The following RAVER2 variants were observed in gnomAD, a reference collection of about 807,000 sequenced individuals.
The protein encoded by RAVER2 is ribonucleoprotein, PTB binding 2.
Under a neutral mutation model 78.1 loss-of-function variants are expected in RAVER2, and 46 were observed. The observed-to-expected ratio is 0.59, with a 90% confidence interval of 0.46 to 0.75. The LOEUF (loss-of-function observed/expected upper bound fraction) is 0.75. RAVER2 is among the 30% of genes least tolerant of loss of function. The probability of loss-of-function intolerance (pLI) is 0.00; values close to 1 mark genes in which losing one functional copy is unlikely to be tolerated. For missense variants in RAVER2, 793 were observed against 837.5 expected (o/e 0.95, Z 0.66); for synonymous variants, 311 against 313.3 (o/e 0.99, Z 0.08).
chr1:64,777,146 A>G (rs1309457485), intron 2 of RAVER2, among the ~76,000 whole-genome samples: 5 of 152,050 alleles, frequency 3.3e-5, no homozygotes, highest in Admixed American at 6.6e-5. Context: ...CTGTACCTTC[A>G]TTTTTTCAGG....
chr1:64,829,526 G>A (rs12092056), intron 11 of RAVER2, among the ~76,000 whole-genome samples: 20 of 152,308 alleles, frequency 1.3e-4, no homozygotes, highest in African/African-American at 4.6e-4. Flanking sequence ...GGGAGGAAGG[G>A]TTTTTGGGGC....
At chr1:64,802,519 T>C (rs1358556595) in intron 5 of RAVER2, among the ~76,000 whole-genome samples, 1 of 152,226 alleles carries the variant, frequency 6.6e-6, no homozygotes, top group Non-Finnish European at 1.5e-5. Flanking sequence ...TTTGATTTTA[T>C]TATGTAAATA....
intron 11 of RAVER2, among the ~76,000 whole-genome samples, chr1:64,819,404 G>A (rs768335848): frequency 3.3e-5 from 5 of 151,850 alleles, no homozygotes; most frequent in Non-Finnish European, 7.4e-5. Flanking sequence ...AAAAAGGTTC[G>A]GTTAACATGA....
chr1:64,795,916 T>C (rs1367775088), intron 5 of RAVER2, among the ~76,000 whole-genome samples: 3 of 152,014 alleles, frequency 2.0e-5, no homozygotes, highest in East Asian at 3.8e-4. Context: ...TTAAGTATTA[T>C]CTTAGCTAGA....
chr1:64,815,398 A>T (rs1004002926), intron 11 of RAVER2: 5 of 152,222 alleles, frequency 3.3e-5, no homozygotes, highest in Non-Finnish European at 7.3e-5. Context: ...AAACCAGCCA[A>T]TCAATAACAT....
Position 64,745,311 on chromosome 1 carries a change from G to T in RAVER2, c.139G>T (p.Ala47Ser), listed in dbSNP as rs1651494530. ...CGAGGGCGCCCCGGACCCGATGCCC[G>T]CCGCGCTGCACCCTGAGGAGGTCGC... The change falls in exon 1 of 12, where the codon GCC (alanine) becomes TCC (serine). Residue 47 changes from alanine (A) to serine (S), a missense_variant. Ala to Ser is a moderately conservative substitution (Grantham distance 99). Coordinates refer to ENST00000294428, the Ensembl canonical transcript of RAVER2. The surrounding 1 kb of genome is among the most constrained non-coding windows in gnomAD (Gnocchi z 4.3). The T allele has an allele frequency of 2.6e-6, 4 of 1,512,370 alleles. No individual in the cohort carries two copies. In the East Asian group the frequency reaches 1.1e-4, roughly 42 times the overall value. The allele number at this position is 1,512,370 out of a possible 1,614,324, so 93.7% of individuals were successfully genotyped here. A position where few individuals can be genotyped will look rare whatever the true frequency, so the allele number is the denominator to read the frequency against.
exon 11 of RAVER2, chr1:64,814,812 A>G: frequency 1.3e-6 from 2 of 1,583,002 alleles, no homozygotes; most frequent in Admixed American, 1.8e-5. Flanking sequence ...TGCATTGCTT[A>G]TTCTCCACCT....
chr1:64,747,178 T>C (rs1434010207), intron 1 of RAVER2, among the ~76,000 whole-genome samples: 1 of 152,240 alleles, frequency 6.6e-6, no homozygotes, highest in African/African-American at 2.4e-5. Flanking sequence ...ATTTGTATTT[T>C]TGAGATTTCA....
chr1:64,831,813 A>AGT (rs1654143385), exon 12 of RAVER2: 1 of 152,250 alleles, frequency 6.6e-6, no homozygotes, highest in African/African-American at 2.4e-5. Context: ...TTCAGATTTC[A>AGT]GTGTCCATAA....
chr1:64,823,743 T>TAATGTAAAGAAA (rs1653939930), intron 11 of RAVER2, among the ~76,000 whole-genome samples: 2 of 151,736 alleles, frequency 1.3e-5, no homozygotes, highest in East Asian at 3.9e-4. Flanking sequence ...ATAGTCCCAA[T>TAATGTAAAGAAA]AATGTAAAGA....
At chr1:64,831,009 C>T (rs1654114834) in exon 12 of RAVER2, 1 of 1,605,590 alleles carries the variant, frequency 6.2e-7, no homozygotes, top group Non-Finnish European at 8.5e-7. Context: ...CTAATAACCC[C>T]CTAAGGTTCT....
At chr1:64,767,787 T>A (rs931516787) in intron 1 of RAVER2, among the ~76,000 whole-genome samples, 2 of 152,056 alleles carry the variant, frequency 1.3e-5, no homozygotes, top group African/African-American at 4.8e-5. Context: ...TGCAAAGCAA[T>A]GCAAGTAGTA....
At chr1:64,755,226 T>C (rs1651818521) in intron 1 of RAVER2, among the ~76,000 whole-genome samples, 1 of 152,220 alleles carries the variant, frequency 6.6e-6, no homozygotes. Context: ...GATTTCTTAG[T>C]AAGAAAATAA....
At chr1:64,807,283 G>T (rs771170298) in exon 9 of RAVER2, 2 of 1,614,014 alleles carry the variant, frequency 1.2e-6, no homozygotes, top group African/African-American at 1.3e-5. Flanking sequence ...TCAGCACATT[G>T]CTGGACAGGC....
intron 1 of RAVER2, among the ~76,000 whole-genome samples, chr1:64,754,009 A>G (rs1242221635): frequency 6.6e-6 from 1 of 152,170 alleles, no homozygotes; most frequent in East Asian, 1.9e-4. Flanking sequence ...TGTAATCCCC[A>G]GCCAGAACAA....
At chr1:64,799,637 C>T (rs1031413409) in intron 5 of RAVER2, among the ~76,000 whole-genome samples, 9 of 151,984 alleles carry the variant, frequency 5.9e-5, no homozygotes, top group African/African-American at 1.7e-4. Context: ...GAGACGGTTT[C>T]GCCATGTTGG....
At chr1:64,818,402 G>T (rs577876658) in intron 11 of RAVER2, among the ~76,000 whole-genome samples, 1 of 152,294 alleles carries the variant, frequency 6.6e-6, no homozygotes, top group African/African-American at 2.4e-5. Flanking sequence ...CGGGCGTGGT[G>T]GTGGGCGCCT....
intron 9 of RAVER2, among the ~76,000 whole-genome samples, chr1:64,808,422 C>T (rs1653504912): frequency 6.6e-6 from 1 of 150,540 alleles, no homozygotes; most frequent in Non-Finnish European, 1.5e-5. Flanking sequence ...ACTAGAATGC[C>T]CTGCAATTGT....
At chr1:64,768,553 A>T (rs1241957189) in intron 1 of RAVER2, 103 bp from the exon 2 acceptor site, 2 of 734,164 alleles carry the variant, frequency 2.7e-6, no homozygotes, top group African/African-American at 1.8e-5. Flanking sequence ...TTTACATGGG[A>T]CATGGTGGTG....
Sources: gnomAD v4.1 joint callset for allele counts (sites outside exome capture counted in the v4.1 genomes callset) on GRCh38, gnomAD v4.1.1 for gene constraint, Gnocchi (gnomAD v3.1) non-coding constraint, MANE v1.5 for transcripts, NCBI Gene and HGNC (gene_info 2026-07-23, HGNC 2026-07-21) for gene names.